Variants in TMC5 observed in about 807,000 individuals in gnomAD.
TMC5 encodes the protein transmembrane channel-like protein 5.
TMC5 carries 86 observed loss-of-function variants against 110.5 expected under a neutral mutation model. That is an observed-to-expected ratio of 0.78 (90% CI 0.65 to 0.93). The LOEUF is 0.93. Ranked by LOEUF, TMC5 falls within the 40% of genes least tolerant of loss-of-function variation. The pLI is 0.00. For missense variants in TMC5, 1,144 were observed against 1,222.8 expected, an observed-to-expected ratio of 0.94 and a Z score of 0.96; for synonymous variants, 455 against 439.5, an observed-to-expected ratio of 1.04 and a Z score of -0.44.
chr16:19,485,201 AT>A (rs1968710704), intron 15 of TMC5, among the ~76,000 whole-genome samples: 1 of 149,644 alleles, frequency 6.7e-6, no homozygotes, highest in Admixed American at 6.8e-5. Flanking sequence ...AAGTGCTGGG[AT>A]AACAGGAGTG....
rs975704306 is a variant in TMC5, at chr16:19,470,727, A to T, written c.1782+902A>T. Among the ~76,000 whole-genome samples the T allele has an allele frequency of 2.4e-4, 28 of 116,040 alleles. 1 individual carries two copies. The East Asian group carries it at 0.012, about 50-fold the overall frequency. The allele number at this position is 116,040 out of a possible 152,430, so 76.1% of individuals were successfully genotyped here. A position where few individuals can be genotyped will look rare whatever the true frequency, so the allele number is the denominator to read the frequency against. The stretch of plus-strand genomic sequence containing the variant: ...TCTATAGACACAAACTTATTAAAAA[A>T]AAAAAAAAAAAAAAAAAAAAAAGCA... On this transcript the variant is annotated intron_variant, in intron 10 of 21. Transcript: ENST00000542583.
chr16:19,492,343 C>A, intron 19 of TMC5, 115 bp downstream of exon 19: 1 of 566,156 alleles, frequency 1.8e-6, no homozygotes, highest in Non-Finnish European at 3.0e-6. Context: ...GCTCTCAGCC[C>A]TAACAACCAT....
chr16:19,440,312 T>A lies in TMC5; in HGVS notation c.274T>A (p.Ser92Thr), dbSNP rs1376319609. The stretch of plus-strand genomic sequence containing the variant: ...TTCTGGCACCAGAAGCAATGCATAC[T>A]CTGCAGCCTCTAGAACAAGCCCAGA... ...DYSGTRSNAYSAASRTSPDHP... is the reference protein window; with the variant it reads ...DYSGTRSNAYTAASRTSPDHP... The change falls in exon 3 of 22, where the codon TCT (serine) becomes ACT (threonine). Residue 92 changes from serine (S) to threonine (T), a missense_variant. Coordinates refer to ENST00000542583, the MANE Select transcript of TMC5 (RefSeq NM_001261841.2). 6.2e-7 allele frequency: 1 copy of A among 1,614,002 alleles called. No individual in the cohort carries two copies. Among genetic ancestry groups the A allele is most frequent in the African/African-American group, 1.3e-5 (1 of 74,894 alleles).
chr16:19,418,516 C>T (rs992165803), intron 1 of TMC5, among the ~76,000 whole-genome samples: 16 of 152,158 alleles, frequency 1.1e-4, no homozygotes, highest in Non-Finnish European at 1.5e-5. Flanking sequence ...CTGGGGGTGT[C>T]TCCTGGAGCA....
In TMC5 at chr16:19,495,008, A is replaced by ATTTTTTT. The variant is rs1226858039; in HGVS notation, c.2931+644_2931+645insTTTTTTT. Among the ~76,000 whole-genome samples the ATTTTTTT allele has an allele frequency of 1.9e-4, 7 of 37,140 alleles. 1 individual carries two copies. Among genetic ancestry groups the ATTTTTTT allele is most frequent in the Non-Finnish European group, 3.2e-4 (6 of 18,614 alleles). 24.4% of individuals were successfully genotyped at this position (37,140 alleles called of 152,430 possible). The stretch of plus-strand genomic sequence containing the variant: ...TCTCACTATGAATACTTCAGTGTCT[A>ATTTTTTT]TTCTTTTTTTTTTTTTTTTTTTTTG... On this transcript the variant is annotated intron_variant, in intron 20 of 21. Transcript: ENST00000542583.
At position 19,412,617 on chromosome 16, in the gene TMC5, C is replaced by G. The variant is rs568748883; in HGVS notation, c.-308+1441C>G. Among the ~76,000 whole-genome samples the G allele has an allele frequency of 4.6e-5, 7 of 152,328 alleles. No homozygotes were observed. In the East Asian group the frequency reaches 1.4e-3, roughly 29 times the overall value. ...TCCTGACCTCAGTTGATCCACTCGCCTCAGCCTCCCAAAGTGCTGGGATTA... is the reference window on the plus strand; with the variant it reads ...TCCTGACCTCAGTTGATCCACTCGCGTCAGCCTCCCAAAGTGCTGGGATTA... On this transcript the variant is annotated intron_variant, in intron 1 of 20. Transcript: ENST00000381414.
At chr16:19,434,861 C>T (rs1364497888) in intron 2 of TMC5, among the ~76,000 whole-genome samples, 1 of 152,048 alleles carries the variant, frequency 6.6e-6, no homozygotes, top group African/African-American at 2.4e-5. Context: ...GTTGAGGAAA[C>T]AGACTCAGAG....
In TMC5 at chr16:19,498,032, C is replaced by T; in HGVS notation, c.*66C>T. On this transcript the variant is annotated 3_prime_UTR_variant, in exon 22 of 22. Transcript: ENST00000542583. ...GAGACGAAAATGGAATGATTTCTTC[C>T]ATGCCACCTGTGCCTTTAGGAACTG... The T allele has an allele frequency of 6.7e-7, 1 of 1,497,092 alleles. No homozygotes were observed. Among genetic ancestry groups the T allele is most frequent in the Non-Finnish European group, 9.3e-7 (1 of 1,073,346 alleles). The allele number at this position is 1,497,092 out of a possible 1,614,324, so 92.7% of individuals were successfully genotyped here. A position where few individuals can be genotyped will look rare whatever the true frequency, so the allele number is the denominator to read the frequency against.
intron 19 of TMC5, among the ~76,000 whole-genome samples, chr16:19,492,753 T>G (rs1968939462): frequency 6.6e-6 from 1 of 150,954 alleles, no homozygotes; most frequent in Non-Finnish European, 1.5e-5. Context: ...TTTTTAGAGG[T>G]GGGGGTCTTG....
intron 8 of TMC5, among the ~76,000 whole-genome samples, chr16:19,465,216 G>GC (rs1431541405): frequency 6.7e-6 from 1 of 149,776 alleles, no homozygotes; most frequent in African/African-American, 2.5e-5. Context: ...TTCTGTGTCC[G>GC]CCCCCGCCTT....
chr16:19,444,967 C>T (rs952446698), intron 4 of TMC5, among the ~76,000 whole-genome samples: 1 of 152,098 alleles, frequency 6.6e-6, no homozygotes, highest in South Asian at 2.1e-4. Flanking sequence ...CCCGTCTCTA[C>T]TAAAAATACA....
chr16:19,480,605 G>A (rs1454377905), intron 14 of TMC5, among the ~76,000 whole-genome samples: 1 of 152,132 alleles, frequency 6.6e-6, no homozygotes, highest in Non-Finnish European at 1.5e-5. Flanking sequence ...AGGAGTTCAA[G>A]AGCAGCCTGG....
At chr16:19,491,844 G>A (rs1328247453) in intron 18 of TMC5, among the ~76,000 whole-genome samples, 2 of 83,310 alleles carry the variant, frequency 2.4e-5, no homozygotes, top group African/African-American at 6.8e-5. Context: ...GTCATCTTAG[G>A]GACTTTTTTT....
chr16:19,492,853 C>T (rs1968941414), intron 19 of TMC5, among the ~76,000 whole-genome samples: 1 of 148,698 alleles, frequency 6.7e-6, no homozygotes, highest in Non-Finnish European at 1.5e-5. Flanking sequence ...CTCCATCTGG[C>T]TCCCTGGATT....
chr16:19,428,000 C>A (rs1967121292), intron 1 of TMC5, among the ~76,000 whole-genome samples: 1 of 152,166 alleles, frequency 6.6e-6, no homozygotes, highest in Non-Finnish European at 1.5e-5. Context: ...ACCTTGGGGA[C>A]TGTCTTAGGA....
At chr16:19,443,161 T>C (rs1258603758) in intron 3 of TMC5, among the ~76,000 whole-genome samples, 1 of 152,218 alleles carries the variant, frequency 6.6e-6, no homozygotes, top group Non-Finnish European at 1.5e-5. Context: ...TACCCAGTTA[T>C]CTGGGGAACT....
chr16:19,457,732 T>A (rs1967921473), intron 5 of TMC5, among the ~76,000 whole-genome samples: 1 of 110,634 alleles, frequency 9.0e-6, no homozygotes, highest in Non-Finnish European at 1.8e-5. Flanking sequence ...TTTTTTTTTT[T>A]TTTTTTTTTT....
At position 19,439,990 on chromosome 16, in the gene TMC5, G is replaced by A; in HGVS notation, c.-49G>A. 1 of 1,410,130 alleles carries A rather than the reference G, an allele frequency of 7.1e-7. No individual in the cohort carries two copies. Among genetic ancestry groups the A allele is most frequent in the Non-Finnish European group, 9.6e-7 (1 of 1,038,852 alleles). 87.4% of individuals were successfully genotyped at this position (1,410,130 alleles called of 1,614,324 possible). On this transcript the variant is annotated 5_prime_UTR_variant, in exon 3 of 22. Transcript: ENST00000542583. ...AAAAAAAAAAGATCCCTGAGTAATT[G>A]CAAATGCTGGGACAGTTTACCACTC...
intron 2 of TMC5, among the ~76,000 whole-genome samples, chr16:19,436,185 C>T (rs919851341): frequency 3.6e-5 from 5 of 140,788 alleles, no homozygotes; most frequent in African/African-American, 1.1e-4. Flanking sequence ...TGCTTGAACC[C>T]GGGGATGGGG....
Sources: gnomAD v4.1 joint callset for allele counts (sites outside exome capture counted in the v4.1 genomes callset) on GRCh38, gnomAD v4.1.1 for gene constraint, MANE v1.5 for transcripts, NCBI Gene and HGNC (gene_info 2026-07-23, HGNC 2026-07-21) for gene names.